The following BIRC6 variants were observed in gnomAD, a reference collection of about 807,000 sequenced individuals.
BIRC6 encodes baculoviral IAP repeat containing 6.
Under a neutral mutation model 503.3 loss-of-function variants are expected in BIRC6, and 98 were observed. The observed-to-expected ratio is 0.19, with a 90% confidence interval of 0.17 to 0.23. BIRC6 has a LOEUF of 0.23. Among genes scored for constraint, BIRC6 ranks in the 10% least tolerant of loss-of-function variants. The pLI is 1.00. For synonymous variants in BIRC6, 2,240 were observed against 2,078.7 expected (o/e 1.08, Z -2.11); for missense variants, 5,360 against 5,806.0 (o/e 0.92, Z 2.50).
Position 32,368,927 on chromosome 2 carries a change from C to T in BIRC6, c.326-8661C>T, listed in dbSNP as rs1045046542. Among the ~76,000 whole-genome samples the T allele has an allele frequency of 7.9e-5, 12 of 152,300 alleles. No individual in the cohort carries two copies. The East Asian group carries it at 2.3e-3, about 29-fold the overall frequency. ...TTGGCCTCCCAAAGTGCTGGGATTACAGGTGTGAGCCACTGTGTCATTATG... is the reference window on the plus strand; with the variant it reads ...TTGGCCTCCCAAAGTGCTGGGATTATAGGTGTGAGCCACTGTGTCATTATG... On this transcript the variant is annotated intron_variant, in intron 1 of 73. Coordinates refer to ENST00000421745, the MANE Select transcript of BIRC6 (RefSeq NM_016252.4).
intron 61 of BIRC6, among the ~76,000 whole-genome samples, chr2:32,542,483 T>G (rs1044732984): frequency 1.1e-4 from 17 of 152,318 alleles, no homozygotes; most frequent in South Asian, 1.0e-3. Flanking sequence ...AGTTAGAATC[T>G]ATACTGATAA....
Position 32,572,960 on chromosome 2 carries a change from C to T in BIRC6, c.13145-2196C>T, listed in dbSNP as rs187113874. On this transcript the variant is annotated intron_variant, in intron 65 of 73. Transcript: ENST00000421745. Reference sequence around the variant, plus strand: ...TGCTAGGTGATGCCACATCCTGTTACAACTTAATCCCCATATAGCTCTGTG... The same window carrying T: ...TGCTAGGTGATGCCACATCCTGTTATAACTTAATCCCCATATAGCTCTGTG... 2.0e-5 allele frequency among the ~76,000 whole-genome samples: 3 copies of T among 152,310 alleles called. No individual in the cohort carries two copies. The South Asian group carries it at 6.2e-4, about 32-fold the overall frequency.
chr2:32,595,677 A>T (rs1249893059), intron 68 of BIRC6, among the ~76,000 whole-genome samples: 1 of 152,186 alleles, frequency 6.6e-6, no homozygotes, highest in Non-Finnish European at 1.5e-5. Flanking sequence ...ATTATTAACT[A>T]TTATTGTCTA....
intron 66 of BIRC6, among the ~76,000 whole-genome samples, chr2:32,576,899 GTAGACTCATACAA>G (rs1162250896): frequency 6.6e-6 from 1 of 152,112 alleles, no homozygotes; most frequent in Admixed American, 6.5e-5. Context: ...ATAAAAAGTT[GTAGACTCATACAA>G]CTCTGTTACT....
At chr2:32,560,638 T>C (rs1486669667) in intron 65 of BIRC6, among the ~76,000 whole-genome samples, 2 of 152,186 alleles carry the variant, frequency 1.3e-5, no homozygotes, top group East Asian at 3.9e-4. Context: ...TGGAGTGCAG[T>C]GGTGTGCTCA....
intron 61 of BIRC6, among the ~76,000 whole-genome samples, chr2:32,533,643 A>C (rs1244115959): frequency 6.6e-6 from 1 of 152,190 alleles, no homozygotes; most frequent in African/African-American, 2.4e-5. Context: ...CTTTGAAGAG[A>C]TTAGGCATGT....
At chr2:32,615,605 C>A (rs2063176450) in intron 73 of BIRC6, among the ~76,000 whole-genome samples, 1 of 152,062 alleles carries the variant, frequency 6.6e-6, no homozygotes, top group Non-Finnish European at 1.5e-5. Context: ...TCAAAGTCAG[C>A]TGTTGACACT....
intron 61 of BIRC6, among the ~76,000 whole-genome samples, chr2:32,532,595 A>G (rs2056876016): frequency 6.6e-6 from 1 of 152,136 alleles, no homozygotes; most frequent in South Asian, 2.1e-4. Flanking sequence ...GGTCATCTTC[A>G]TAGGTGCTAG....
At chr2:32,500,272 A>G (rs1009053354) in intron 46 of BIRC6, among the ~76,000 whole-genome samples, 163 bp downstream of exon 46, 4 of 152,080 alleles carry the variant, frequency 2.6e-5, no homozygotes, top group African/African-American at 7.3e-5. Context: ...AGGGGCTTCA[A>G]TTAATGAATG....
chr2:32,395,118 A>G (rs1320951964), intron 5 of BIRC6, among the ~76,000 whole-genome samples: 1 of 152,160 alleles, frequency 6.6e-6, no homozygotes, highest in Non-Finnish European at 1.5e-5. Context: ...GCGCCACTGC[A>G]CTCCAGCCTG....
intron 64 of BIRC6, 37 bp downstream of exon 64, chr2:32,548,051 CT>C (rs202071914): frequency 4.8e-4 from 706 of 1,479,564 alleles, no homozygotes; most frequent in South Asian, 1.8e-3. Context: ...ATGATAATGG[CT>C]TTTTTTTTGT....
In BIRC6 at chr2:32,430,897, C is replaced by A; in HGVS notation, c.3055C>A (p.Leu1019Ile). 6.2e-7 allele frequency: 1 copy of A among 1,611,392 alleles called. No individual in the cohort carries two copies. The highest frequency in any genetic ancestry group is 8.5e-7 in the Non-Finnish European group (1 of 1,179,158). Residue 1019 changes from leucine to isoleucine, a missense_variant, in exon 12 of 74, where the codon CTT (leucine) becomes ATT (isoleucine). Coordinates refer to ENST00000421745, the MANE Select transcript of BIRC6 (RefSeq NM_016252.4). Reference protein sequence around the residue: ...VDLLVDQPFTLEILTSLVELT... With the variant: ...VDLLVDQPFTIEILTSLVELT... The stretch of plus-strand genomic sequence containing the variant: ...TTTATTGGTGGACCAGCCATTCACC[C>A]TTGAAATCTTGACATCCCTAGTGGA...
At chr2:32,462,697 C>G (rs2148852560) in intron 23 of BIRC6, among the ~76,000 whole-genome samples, 1 of 152,320 alleles carries the variant, frequency 6.6e-6, no homozygotes, top group East Asian at 1.9e-4. Context: ...TGGCTCACAC[C>G]TGTAATCCCA....
In BIRC6 at chr2:32,469,595, C is replaced by T; in HGVS notation, c.6328C>T (p.Leu2110Phe). ...GGAATTGTACAATTCGGAACAGCTT[C>T]TCATCTTTCCACAGGATAGGTAGGT... ...LQELYNSEQL[L>F]IFPQDRVFML... Residue 2110 changes from leucine to phenylalanine, a missense_variant, in exon 30 of 74, where the codon CTC (leucine) becomes TTC (phenylalanine). Physicochemically the swap from Leu to Phe is conservative, Grantham distance 22 (BLOSUM62 0). This residue lies in a region of BIRC6 where 2,299 missense variants were observed against 2,267.2 expected (regional missense o/e 1.01). Transcript: ENST00000421745. 1.2e-6 allele frequency: 2 copies of T among 1,613,272 alleles called. No individual in the cohort carries two copies. The highest frequency in any genetic ancestry group is 1.7e-6 in the Non-Finnish European group (2 of 1,179,334).
intron 49 of BIRC6, among the ~76,000 whole-genome samples, chr2:32,503,956 A>G (rs2053491936): frequency 7.5e-6 from 1 of 134,170 alleles, no homozygotes; most frequent in South Asian, 2.3e-4. Context: ...GGTTCAGGCA[A>G]TTCTCATGCC....
At chr2:32,518,991 A>G (rs2055353088) in intron 57 of BIRC6, 45 bp downstream of exon 57, 1 of 1,553,130 alleles carries the variant, frequency 6.4e-7, no homozygotes, top group Admixed American at 1.8e-5. Flanking sequence ...TTTATGTTTG[A>G]TGTATATGGA....
At chr2:32,466,276 A>G (rs2048531228) in intron 26 of BIRC6, among the ~76,000 whole-genome samples, 1 of 152,214 alleles carries the variant, frequency 6.6e-6, no homozygotes, top group South Asian at 2.1e-4. Context: ...AAGAATTATG[A>G]CATTATTAAT....
intron 31 of BIRC6, 122 bp downstream of exon 31, chr2:32,470,423 T>A (rs2048987366): frequency 9.9e-7 from 1 of 1,005,878 alleles, no homozygotes; most frequent in Admixed American, 3.3e-5. Context: ...TTTTATGATG[T>A]AAGCTTTTAA....
chr2:32,601,154 A>G (rs2062028064), intron 70 of BIRC6, among the ~76,000 whole-genome samples: 2 of 152,250 alleles, frequency 1.3e-5, no homozygotes, highest in African/African-American at 4.8e-5. Flanking sequence ...CACTTTGAAT[A>G]ATACACAAGA....
Sources: gnomAD v4.1 joint callset for allele counts (sites outside exome capture counted in the v4.1 genomes callset) on GRCh38, gnomAD v4.1.1 for gene constraint, gnomAD v4.1.1 regional missense constraint, MANE v1.5 for transcripts, NCBI Gene and HGNC (gene_info 2026-07-23, HGNC 2026-07-21) for gene names.